SCG5: variants seen among roughly 807,000 people sequenced by gnomAD.
The protein encoded by SCG5 is secretogranin V.
A neutral mutation model predicts 25.7 loss-of-function variants in SCG5; 18 were observed. The ratio of observed to expected loss-of-function variants is 0.70; its 90% CI spans 0.48 to 1.04. The LOEUF is 1.04. SCG5 is among the 50% of genes least tolerant of loss of function. The pLI is 0.00. For missense variants in SCG5, 206 were observed against 259.8 expected (o/e 0.79, Z 1.42); for synonymous variants, 101 against 91.7 (o/e 1.10, Z -0.58).
rs1358251915 is a variant in SCG5, at chr15:32,643,832, TC to T, written c.226+15del. 2 of 1,606,366 alleles carry T rather than the reference TC, an allele frequency of 1.2e-6. No homozygotes were observed. The highest frequency in any genetic ancestry group is 1.7e-6 in the Non-Finnish European group (2 of 1,174,066). ...AGAGCATTGAAGGTATTTACTGTGT[TC>T]TGATGGTTTGAAGTTTCCGTTAGCA... On this transcript the variant is annotated intron_variant, in intron 2 of 5. Transcript: ENST00000300175.
intron 2 of SCG5, among the ~76,000 whole-genome samples, chr15:32,650,640 G>T (rs2054018566): frequency 6.6e-6 from 1 of 152,200 alleles, no homozygotes; most frequent in African/African-American, 2.4e-5. Flanking sequence ...AGTTAGAACT[G>T]GTTGTGCCAG....
chr15:32,649,486 A>G (rs1345715424), intron 2 of SCG5, among the ~76,000 whole-genome samples: 1 of 152,202 alleles, frequency 6.6e-6, no homozygotes, highest in East Asian at 1.9e-4. Flanking sequence ...AGCGCCTACC[A>G]AGGAGCTAGA....
rs781495858 is a variant in SCG5 at position 32,643,775 on chromosome 15, A to C, written c.183A>C (p.Pro61=). 1.9e-5 allele frequency: 30 copies of C among 1,613,914 alleles called. No homozygotes were observed. Among genetic ancestry groups the C allele is most frequent in the Non-Finnish European group, 2.4e-5 (28 of 1,179,896 alleles). ...TTGCCAGGCCCCGAGTGGAATATCC[A>C]GCTCACCAGGCCATGAATCTTGTGG... ...LGIARPRVEY[P]AHQAMNLVGP... Residue 61 remains proline, a synonymous_variant, in exon 2 of 6, where the codon CCA becomes CCC. Transcript: ENST00000300175.
At chr15:32,666,127 T>G (rs1329591577) in intron 2 of SCG5, among the ~76,000 whole-genome samples, 1 of 152,176 alleles carries the variant, frequency 6.6e-6, no homozygotes, top group Non-Finnish European at 1.5e-5. Context: ...CCCCGAATGT[T>G]TCTTCTTATC....
intron 4 of SCG5, among the ~76,000 whole-genome samples, chr15:32,685,702 G>A (rs2054697278): frequency 6.6e-6 from 1 of 152,220 alleles, no homozygotes; most frequent in African/African-American, 2.4e-5. Flanking sequence ...ACTGAGTGGG[G>A]ATATGTCTGT....
chr15:32,671,953 G>A (rs970998191), intron 2 of SCG5, among the ~76,000 whole-genome samples: 18 of 152,164 alleles, frequency 1.2e-4, no homozygotes, highest in Non-Finnish European at 2.2e-4. Flanking sequence ...GGGCGCTCTC[G>A]CGCTGGCACC....
intron 2 of SCG5, among the ~76,000 whole-genome samples, chr15:32,657,199 G>GTGTATATATATATATATATA (rs2054131495): frequency 1.5e-4 from 1 of 6,698 alleles, no homozygotes; most frequent in African/African-American, 5.1e-4. Flanking sequence ...TCATCCTCCT[G>GTGTATATATATATATATATA]TATATATATA....
At chr15:32,695,748 C>T (rs1389650203) in intron 5 of SCG5, among the ~76,000 whole-genome samples, 1 of 152,082 alleles carries the variant, frequency 6.6e-6, no homozygotes, top group South Asian at 2.1e-4. Context: ...TACTCTTCTC[C>T]TTTAGAACGT....
At chr15:32,665,560 C>T (rs2054305347) in intron 2 of SCG5, 1 of 152,136 alleles carries the variant, frequency 6.6e-6, no homozygotes, top group African/African-American at 2.4e-5. Flanking sequence ...TCATAAGTCC[C>T]TATAGGTAAA....
chr15:32,642,693 C>T (rs914465430), intron 1 of SCG5, among the ~76,000 whole-genome samples: 9 of 151,808 alleles, frequency 5.9e-5, no homozygotes, highest in African/African-American at 2.2e-4. Context: ...GCAGACATAC[C>T]CATAGAAACC....
chr15:32,655,458 C>G (rs1235324223), intron 2 of SCG5, among the ~76,000 whole-genome samples: 3 of 152,204 alleles, frequency 2.0e-5, no homozygotes, highest in Non-Finnish European at 4.4e-5. Context: ...TGCCCTTCAG[C>G]TATGATTGTC....
intron 2 of SCG5, among the ~76,000 whole-genome samples, chr15:32,648,184 T>A (rs2053974473): frequency 6.6e-6 from 1 of 152,194 alleles, no homozygotes; most frequent in South Asian, 2.1e-4. Context: ...ACAGTAACCC[T>A]TGATTTTCTC....
At chr15:32,653,744 G>T (rs144540159) in intron 2 of SCG5, among the ~76,000 whole-genome samples, 2 of 152,096 alleles carry the variant, frequency 1.3e-5, no homozygotes, top group Admixed American at 1.3e-4. Context: ...AAGTCCACCC[G>T]TATTATAGAG....
chr15:32,696,671 G>A lies in SCG5; in HGVS notation c.*62G>A. The A allele has an allele frequency of 2.0e-6, 2 of 982,994 alleles. No homozygotes were observed. Among genetic ancestry groups the A allele is most frequent in the Non-Finnish European group, 1.6e-6 (1 of 620,770 alleles). 60.9% of individuals were successfully genotyped at this position (982,994 alleles called of 1,614,324 possible). On this transcript the variant is annotated 3_prime_UTR_variant, in exon 6 of 6. Transcript: ENST00000300175. The stretch of plus-strand genomic sequence containing the variant: ...AGGCCTCAGCATGGCTTATGTGCAC[G>A]TGTAAATGGAGTCCCTGTGAATGAC...
intron 2 of SCG5, among the ~76,000 whole-genome samples, chr15:32,655,169 G>A (rs759212448): frequency 4.6e-5 from 7 of 152,110 alleles, no homozygotes; most frequent in South Asian, 2.1e-4. Context: ...TTAGCTGGAC[G>A]TGGTGGCGGG....
In SCG5 at chr15:32,668,371, ACGTTC is replaced by A. The variant is rs1253137674; in HGVS notation, c.227-11393_227-11389del. Among the ~76,000 whole-genome samples the A allele has an allele frequency of 2.0e-5, 3 of 152,388 alleles. No individual in the cohort carries two copies. In the East Asian group the frequency reaches 5.8e-4, roughly 29 times the overall value. ...GAATTTGTAAGGCCAAGTGAGAATC[ACGTTC>A]CTTGTCGTGGCCCAAAAGGCCTTGT... On this transcript the variant is annotated intron_variant, in intron 2 of 5. Coordinates refer to ENST00000300175, the MANE Select transcript of SCG5 (RefSeq NM_001144757.3).
chr15:32,696,589 G>A lies in SCG5; in HGVS notation c.619G>A (p.Glu207Lys). The stretch of plus-strand genomic sequence containing the variant: ...GAAGTCTGTCCCCCATTTTTCAGAT[G>A]AGGATAAGGATCCAGAGTAAAGAGA... ...AKKSVPHFSD[E>K]DKDPE is the part of the protein sequence containing the mutation. Residue 207 changes from glutamate to lysine, a missense_variant, in exon 6 of 6, where the codon GAG becomes AAG. Glu to Lys is a moderately conservative substitution (Grantham distance 56). Coordinates refer to ENST00000300175, the MANE Select transcript of SCG5 (RefSeq NM_001144757.3). 2 of 1,612,130 alleles carry A rather than the reference G, an allele frequency of 1.2e-6. No individual in the cohort carries two copies. Among genetic ancestry groups the A allele is most frequent in the South Asian group, 1.1e-5 (1 of 90,674 alleles).
At chr15:32,655,263 G>A (rs1032400045) in intron 2 of SCG5, among the ~76,000 whole-genome samples, 18 of 151,964 alleles carry the variant, frequency 1.2e-4, no homozygotes, top group Admixed American at 9.8e-4. Flanking sequence ...AGCCGAGATC[G>A]TGCCACTGCA....
intron 2 of SCG5, among the ~76,000 whole-genome samples, chr15:32,645,177 G>T (rs964955127): frequency 2.0e-5 from 3 of 152,194 alleles, no homozygotes; most frequent in African/African-American, 7.2e-5. Flanking sequence ...TATATTTCAG[G>T]CCAGCTCTTT....
Sources: gnomAD v4.1 joint callset for allele counts (sites outside exome capture counted in the v4.1 genomes callset) on GRCh38, gnomAD v4.1.1 for gene constraint, MANE v1.5 for transcripts, NCBI Gene and HGNC (gene_info 2026-07-23, HGNC 2026-07-21) for gene names.